Variants in USP43 observed in about 807,000 individuals in gnomAD.
The protein encoded by USP43 is ubiquitin specific peptidase 43.
In USP43, 33 loss-of-function variants were observed where a neutral mutation model predicts 90.7. The observed-to-expected ratio is 0.36, with a 90% CI of 0.28 to 0.49. The LOEUF (loss-of-function observed/expected upper bound fraction) is 0.49. USP43 is among the 20% of genes least tolerant of loss of function. The pLI is 0.98. For missense variants in USP43, 1,274 were observed against 1,476.4 expected (o/e 0.86, Z 2.25); for synonymous variants, 598 against 615.8 (o/e 0.97, Z 0.43).
At chr17:9,698,512 G>A (rs1471710692) in intron 9 of USP43, among the ~76,000 whole-genome samples, 1 of 152,184 alleles carries the variant, frequency 6.6e-6, no homozygotes, top group Non-Finnish European at 1.5e-5. Flanking sequence ...AGTCCCTTAA[G>A]GGTGGGGATT....
chr17:9,659,004 A>G (rs959819236), intron 2 of USP43, among the ~76,000 whole-genome samples: 1 of 152,202 alleles, frequency 6.6e-6, no homozygotes, highest in Admixed American at 6.5e-5. Context: ...TGTGGCCAGA[A>G]GAATGGAATA....
chr17:9,675,830 AC>A (rs1186066172), intron 4 of USP43, among the ~76,000 whole-genome samples: 1 of 152,212 alleles, frequency 6.6e-6, no homozygotes, highest in Non-Finnish European at 1.5e-5. Flanking sequence ...CATCAGTGAC[AC>A]CATCAGATAA....
chr17:9,717,956 C>A (rs1468112391), intron 14 of USP43, among the ~76,000 whole-genome samples: 2 of 151,988 alleles, frequency 1.3e-5, no homozygotes, highest in Non-Finnish European at 2.9e-5. Flanking sequence ...ACCACCACAC[C>A]CAGCTAATTT....
intron 6 of USP43, among the ~76,000 whole-genome samples, chr17:9,681,468 A>C (rs1283278107): frequency 7.0e-5 from 1 of 14,326 alleles, no homozygotes; most frequent in Non-Finnish European, 9.6e-5. Context: ...TATATTATAT[A>C]TATATATATA....
chr17:9,692,327 C>A (rs538963473), intron 8 of USP43, among the ~76,000 whole-genome samples: 1 of 152,254 alleles, frequency 6.6e-6, no homozygotes, highest in African/African-American at 2.4e-5. Flanking sequence ...GCACTGCACT[C>A]CAGCCTGGGC....
At chr17:9,715,829 A>T (rs994095610) in intron 14 of USP43, among the ~76,000 whole-genome samples, 3 of 122,702 alleles carry the variant, frequency 2.4e-5, no homozygotes, top group Non-Finnish European at 3.4e-5. Flanking sequence ...CTGTGTGTCT[A>T]TGTGTATGTA....
rs566039612 is a variant in USP43 at position 9,725,176 on chromosome 17, G to T, written c.2336-2778G>T. ...CAGCTGCACTGGTGCCATCTGCATG[G>T]AGGGGGCTCTTGTGGGGTCCAAAAA... On this transcript the variant is annotated intron_variant, in intron 14 of 14. Transcript: ENST00000285199. Among the ~76,000 whole-genome samples, 681 of 152,270 alleles carry T rather than the reference G, an allele frequency of 4.5e-3. 3 individuals are homozygous for T. Among genetic ancestry groups the T allele is most frequent in the Admixed American group, 7.2e-3 (110 of 15,290 alleles).
At chr17:9,720,233 G>T (rs1916861504) in intron 14 of USP43, among the ~76,000 whole-genome samples, 1 of 150,312 alleles carries the variant, frequency 6.7e-6, no homozygotes, top group Non-Finnish European at 1.5e-5. Context: ...GGCTGAGGCA[G>T]GAGAATCGCT....
chr17:9,660,230 A>C (rs1203592500), intron 2 of USP43, among the ~76,000 whole-genome samples: 2 of 152,130 alleles, frequency 1.3e-5, no homozygotes, highest in Non-Finnish European at 2.9e-5. Flanking sequence ...GGCTCACCAC[A>C]GCCTCCACCT....
At chr17:9,717,165 A>C (rs1478027724) in intron 14 of USP43, among the ~76,000 whole-genome samples, 1 of 152,032 alleles carries the variant, frequency 6.6e-6, no homozygotes, top group African/African-American at 2.4e-5. Flanking sequence ...TCTCAAAAAA[A>C]AAAAAAAAAA....
At chr17:9,704,463 T>G (rs1915759720) in intron 12 of USP43, among the ~76,000 whole-genome samples, 1 of 151,854 alleles carries the variant, frequency 6.6e-6, no homozygotes, top group African/African-American at 2.4e-5. Flanking sequence ...ACGGTGGTGC[T>G]CGCCACCACG....
intron 1 of USP43, among the ~76,000 whole-genome samples, chr17:9,646,813 C>T (rs1377367118): frequency 6.6e-6 from 1 of 152,120 alleles, no homozygotes; most frequent in Non-Finnish European, 1.5e-5. Flanking sequence ...CCAGCAAAGG[C>T]AGTGAGCGTG....
intron 14 of USP43, 68 bp from the exon 15 acceptor site, chr17:9,727,886 A>C: frequency 6.6e-7 from 1 of 1,516,062 alleles, no homozygotes; most frequent in Non-Finnish European, 8.9e-7. Context: ...GTGCTCAGTG[A>C]ACGTTAGATG....
intron 12 of USP43, among the ~76,000 whole-genome samples, chr17:9,705,979 C>T (rs1011560475): frequency 1.8e-4 from 28 of 152,152 alleles, no homozygotes; most frequent in African/African-American, 6.8e-4. Context: ...CAAGAGAACA[C>T]CTGGTTCTCT....
chr17:9,682,707 C>T lies in USP43; in HGVS notation c.1106-116C>T, dbSNP rs192920366. The T allele has an allele frequency of 2.0e-5, 27 of 1,356,580 alleles. No homozygotes were observed. The East Asian group carries it at 6.0e-4, about 30-fold the overall frequency. 84.0% of individuals were successfully genotyped at this position (1,356,580 alleles called of 1,614,324 possible). A position where few individuals can be genotyped will look rare whatever the true frequency, so the allele number is the denominator to read the frequency against. ...CCTCCCCTAAAGCCCTCTAGTGGCC[C>T]CCCATTGGTGGTTAATAGATGCTCA... On this transcript the variant is annotated intron_variant, in intron 6 of 14. Transcript: ENST00000285199.
intron 14 of USP43, among the ~76,000 whole-genome samples, chr17:9,712,352 C>T (rs943265243): frequency 2.0e-5 from 3 of 152,094 alleles, no homozygotes; most frequent in Non-Finnish European, 2.9e-5. Context: ...TCTCTGCCCC[C>T]GTGTAGCTTA....
chr17:9,666,825 T>C (rs1913064714), intron 3 of USP43, 74 bp downstream of exon 3: 6 of 1,181,554 alleles, frequency 5.1e-6, no homozygotes, highest in East Asian at 2.5e-5. Context: ...CAGTCTCCCA[T>C]TGACAGATTT....
At chr17:9,685,464 C>T (rs2151978762) in intron 7 of USP43, among the ~76,000 whole-genome samples, 1 of 152,310 alleles carries the variant, frequency 6.6e-6, no homozygotes, top group East Asian at 1.9e-4. Flanking sequence ...TCTGCCTTGC[C>T]TTCCCCTGGC....
At chr17:9,710,282 A>G (rs1916110198) in intron 13 of USP43, among the ~76,000 whole-genome samples, 168 bp downstream of exon 13, 1 of 152,120 alleles carries the variant, frequency 6.6e-6, no homozygotes, top group African/African-American at 2.4e-5. Flanking sequence ...TTGCTCATTT[A>G]CCAGGGTGTG....
Sources: allele counts gnomAD v4.1 joint callset (sites outside exome capture counted in the v4.1 genomes callset), GRCh38; gene constraint gnomAD v4.1.1; transcripts MANE v1.5; gene names NCBI Gene and HGNC (gene_info 2026-07-23, HGNC 2026-07-21).